Variants in RNASEH1 observed in about 807,000 individuals in gnomAD.
RNASEH1 encodes ribonuclease H type II.
RNASEH1 carries 27 observed loss-of-function variants against 34.6 expected under a neutral mutation model. That is an observed-to-expected ratio of 0.78 (90% CI 0.58 to 1.08). The LOEUF (loss-of-function observed/expected upper bound fraction) is 1.08, where lower values mean the gene tolerates loss of function less well. RNASEH1 is among the 50% of genes least tolerant of loss of function. The pLI, the probability that RNASEH1 is intolerant of heterozygous loss-of-function variation, is 0.00. For missense variants in RNASEH1, 349 were observed against 373.6 expected, an observed-to-expected ratio of 0.93 and a Z score of 0.54; for synonymous variants, 162 against 138.4, an observed-to-expected ratio of 1.17 and a Z score of -1.20.
At position 3,541,691 on chromosome 2, in the gene RNASEH1, TGG is replaced by T. The variant is rs765867846; in HGVS notation, c.*4092_*4093del. 1.2e-4 allele frequency among the ~76,000 whole-genome samples: 18 copies of T among 152,356 alleles called. No individual in the cohort carries two copies. The East Asian group carries it at 1.5e-3, about 13-fold the overall frequency. ...CCTTTAGTGAGAGGGAGCAGACCAG[TGG>T]TTGCCTGAACATGGAGGACACGAGG... is the stretch of plus-strand genomic sequence containing the variant. On this transcript the variant is annotated 3_prime_UTR_variant, in exon 8 of 8. Transcript: ENST00000315212.
chr2:3,551,789 A>C, intron 3 of RNASEH1, among the ~76,000 whole-genome samples: 1 of 152,212 alleles, frequency 6.6e-6, no homozygotes, highest in East Asian at 1.9e-4. Flanking sequence ...GAAAGGTTAA[A>C]ATGCTGGTGC....
chr2:3,541,376 G>A (rs2103277180), downstream of RNASEH1, among the ~76,000 whole-genome samples: 1 of 151,094 alleles, frequency 6.6e-6, no homozygotes, highest in South Asian at 2.1e-4. Flanking sequence ...ATATGACCAA[G>A]CATTCCATTC....
At chr2:3,549,721 C>G (rs1045481924) in intron 4 of RNASEH1, among the ~76,000 whole-genome samples, 1 of 151,356 alleles carries the variant, frequency 6.6e-6, no homozygotes, top group Non-Finnish European at 1.5e-5. Context: ...CCGAGGTGGG[C>G]GGATCACGAG....
At chr2:3,558,109 C>A (rs1170071103) in intron 1 of RNASEH1, 24 bp downstream of exon 1, 2 of 1,574,078 alleles carry the variant, frequency 1.3e-6, no homozygotes, top group Non-Finnish European at 8.6e-7. Flanking sequence ...GGCAGGGAGG[C>A]GCCTCGGCGG....
intron 3 of RNASEH1, among the ~76,000 whole-genome samples, chr2:3,550,858 G>A (rs769942279): frequency 5.9e-5 from 9 of 152,198 alleles, no homozygotes; most frequent in Non-Finnish European, 1.0e-4. Flanking sequence ...TCAGCATGAC[G>A]GTGACCCTGC....
the RNASEH1 span, among the ~76,000 whole-genome samples, chr2:3,532,672 C>T: frequency 6.6e-6 from 1 of 152,166 alleles, no homozygotes; most frequent in Non-Finnish European, 1.5e-5. Flanking sequence ...AGCAAAAACA[C>T]GGTATCATCA....
chr2:3,552,959 C>T, intron 2 of RNASEH1, among the ~76,000 whole-genome samples: 1 of 152,108 alleles, frequency 6.6e-6, no homozygotes, highest in East Asian at 1.9e-4. Flanking sequence ...GTTCATCTAG[C>T]TTGAATAAAC....
At position 3,543,470 on chromosome 2, in the gene RNASEH1, G is replaced by A. The variant is rs1474048984; in HGVS notation, c.*2315C>T. 1.3e-5 allele frequency among the ~76,000 whole-genome samples: 2 copies of A among 150,320 alleles called. No individual in the cohort carries two copies. The highest frequency in any genetic ancestry group is 1.9e-4 in the East Asian group (1 of 5,166). On this transcript the variant is annotated 3_prime_UTR_variant, in exon 8 of 8. Transcript: ENST00000315212. ...CTGTGCGTGTGGTCTGTGCACACAT[G>A]TATGCACACATGTGCACACTTATCA... is the stretch of plus-strand genomic sequence containing the variant.
At chr2:3,535,295 G>A in the RNASEH1 span, among the ~76,000 whole-genome samples, 1 of 151,946 alleles carries the variant, frequency 6.6e-6, no homozygotes, top group Admixed American at 6.6e-5. Context: ...GCGTGGTGGT[G>A]TGTGCCTCTA....
chr2:3,548,224 A>G (rs1668939049), intron 6 of RNASEH1, among the ~76,000 whole-genome samples, 169 bp from the exon 7 acceptor site: 1 of 151,892 alleles, frequency 6.6e-6, no homozygotes, highest in East Asian at 1.9e-4. Context: ...AGCCTGAAAT[A>G]CCCTCCTCTC....
chr2:3,556,166 T>C (rs531714236), intron 2 of RNASEH1, among the ~76,000 whole-genome samples: 9 of 151,196 alleles, frequency 6.0e-5, no homozygotes, highest in Admixed American at 2.0e-4. Flanking sequence ...AGAGACTCTG[T>C]CTCAAGGAAA....
chr2:3,543,566 G>C lies in RNASEH1; in HGVS notation c.*2219C>G, dbSNP rs1668474142. The stretch of plus-strand genomic sequence containing the variant: ...AATAAGCTAGTCTGAGCTAAATAAA[G>C]ATAAAAATCACAACGGATTGAAACC... On this transcript the variant is annotated 3_prime_UTR_variant, in exon 8 of 8. Transcript: ENST00000315212. 1.3e-5 allele frequency among the ~76,000 whole-genome samples: 2 copies of C among 151,808 alleles called. No homozygotes were observed. Among genetic ancestry groups the C allele is most frequent in the South Asian group, 4.2e-4 (2 of 4,804 alleles).
rs1340485126 is a variant in RNASEH1, at chr2:3,542,768, G to A, written c.*3017C>T. ...GAGAAGCAGGATTCCGAGTGCAGGA[G>A]ACACAGACATCATATAGAGGAGGCT... is the stretch of plus-strand genomic sequence containing the variant. On this transcript the variant is annotated 3_prime_UTR_variant, in exon 8 of 8. Transcript: ENST00000315212. Among the ~76,000 whole-genome samples, 1 of 152,192 alleles carries A rather than the reference G, an allele frequency of 6.6e-6. No individual in the cohort carries two copies. The highest frequency in any genetic ancestry group is 2.4e-5 in the African/African-American group (1 of 41,442).
chr2:3,550,174 G>T (rs1475410952), intron 4 of RNASEH1, 199 bp downstream of exon 4: 4 of 457,472 alleles, frequency 8.7e-6, no homozygotes, highest in African/African-American at 6.3e-5. Context: ...AAAAGCAAAG[G>T]AAGTAAAGCT....
At chr2:3,555,418 G>T (rs1187820908) in intron 2 of RNASEH1, among the ~76,000 whole-genome samples, 1 of 152,130 alleles carries the variant, frequency 6.6e-6, no homozygotes, top group Admixed American at 6.5e-5. Context: ...TTCTCAAACA[G>T]AATCTCCTTT....
At chr2:3,552,097 T>A (rs1356293675) in intron 3 of RNASEH1, 47 bp downstream of exon 3, 1 of 1,536,740 alleles carries the variant, frequency 6.5e-7, no homozygotes, top group Admixed American at 1.9e-5. Flanking sequence ...ACACATAACA[T>A]TTTCCTGACT....
chr2:3,550,072 G>A (rs1049152858), intron 4 of RNASEH1: 2 of 295,654 alleles, frequency 6.8e-6, no homozygotes, highest in African/African-American at 4.5e-5. Flanking sequence ...GAGCCCAGAA[G>A]GTGAAGTCTG....
the RNASEH1 span, among the ~76,000 whole-genome samples, chr2:3,534,693 G>A: frequency 1.3e-5 from 2 of 152,264 alleles, no homozygotes; most frequent in Non-Finnish European, 1.5e-5. Context: ...AATGTGCAGA[G>A]TATCACCAGC....
At chr2:3,552,543 CCCCCTCCCCTCCACACCACCACCA>C (rs1660066033) in intron 2 of RNASEH1, among the ~76,000 whole-genome samples, 1 of 92,956 alleles carries the variant, frequency 1.1e-5, no homozygotes, top group African/African-American at 4.3e-5. Flanking sequence ...ACCACCTCCA[CCCCCTCCCCTCCACACCACCACCA>C]CCCCCTCCCC....
Sources: allele counts gnomAD v4.1 joint callset (sites outside exome capture counted in the v4.1 genomes callset), GRCh38; gene constraint gnomAD v4.1.1; transcripts MANE v1.5; gene names NCBI Gene and HGNC (gene_info 2026-07-23, HGNC 2026-07-21).